The following TTC4 variants were observed in gnomAD, a reference collection of about 807,000 sequenced individuals.
TTC4 encodes hsp70/Hsp90 co-chaperone CNS1 homolog.
Under a neutral mutation model 51.9 loss-of-function variants are expected in TTC4, and 36 were observed. That is an observed-to-expected ratio of 0.69 (90% CI 0.53 to 0.92). The LOEUF (loss-of-function observed/expected upper bound fraction) is 0.92, where lower values mean the gene tolerates loss of function less well. Among genes scored for constraint, TTC4 ranks in the 40% least tolerant of loss-of-function variants. TTC4 has a pLI of 0.00. For missense variants in TTC4, 399 were observed against 454.6 expected, an observed-to-expected ratio of 0.88 and a Z score of 1.11; for synonymous variants, 144 against 164.2, an observed-to-expected ratio of 0.88 and a Z score of 0.94.
intron 6 of TTC4, among the ~76,000 whole-genome samples, chr1:54,730,225 G>A (rs1272654097): frequency 6.7e-6 from 1 of 149,334 alleles, no homozygotes; most frequent in East Asian, 2.0e-4. Flanking sequence ...GGATTTGTTC[G>A]TTTTCTTAAT....
In TTC4 at chr1:54,715,953, C is replaced by G. The variant is rs1291607294; in HGVS notation, c.45C>G (p.Asp15Glu). 3 of 1,607,318 alleles carry G rather than the reference C, an allele frequency of 1.9e-6. No individual in the cohort carries two copies. The African/African-American group carries it at 4.0e-5, about 22-fold the overall frequency. Residue 15 changes from aspartate (D) to glutamate (E), a missense_variant, in exon 1 of 10, where the codon GAC becomes GAG. By Grantham distance (45) the Asp-to-Glu change is conservative (BLOSUM62 2). Around this residue, in one of 3 missense-constraint regions of TTC4, gnomAD observed 316 missense variants for 349.6 expected, o/e 0.90. Transcript: ENST00000371281. ...ATCCCACCTCAGACGACGTCATGGACTCGTTCCTGGAAAAGTTCCAGAGCC... is the reference window on the plus strand; with the variant it reads ...ATCCCACCTCAGACGACGTCATGGAGTCGTTCCTGGAAAAGTTCCAGAGCC... ...GQDPTSDDVM[D>E]SFLEKFQSQP...
chr1:54,717,452 A>C (rs751237279), intron 2 of TTC4, 40 bp from the exon 3 acceptor site: 12 of 1,438,642 alleles, frequency 8.3e-6, no homozygotes, highest in Middle Eastern at 2.6e-4. Flanking sequence ...GAGCCTTTTA[A>C]AAAGTAAGCA....
chr1:54,731,544 G>C lies in TTC4; in HGVS notation c.740G>C (p.Gly247Ala). The stretch of plus-strand genomic sequence containing the variant: ...GAGGATGAAGATTCAGCCTCAGAAG[G>C]TCTAGGTGAGCTTTTCCTGGATGGA... ...ACEDEDSASE[G>A]LGELFLDGLS... Residue 247 changes from glycine (G) to alanine (A), a missense_variant, in exon 7 of 10, where the codon GGT becomes GCT. Gly to Ala is a moderately conservative substitution (Grantham distance 60). This residue lies in a region of TTC4 where 316 missense variants were observed against 349.6 expected (regional missense o/e 0.90). Transcript: ENST00000371281. 6.2e-7 allele frequency: 1 copy of C among 1,614,002 alleles called. No individual in the cohort carries two copies. Among genetic ancestry groups the C allele is most frequent in the Non-Finnish European group, 8.5e-7 (1 of 1,179,964 alleles).
chr1:54,737,605 GGCAGAACTATACCGGGT>G lies in TTC4; in HGVS notation c.1005_1021del (p.Glu336CysfsTer65). ...AGGTCTACTTTGAGGATGAGGACAG[GGCAGAACTATACCGGGT>G]GCCTGCCAAGAGCACCTTGCTACAG... On this transcript the variant is annotated frameshift_variant, in exon 9 of 10. Coordinates refer to ENST00000371281, the MANE Select transcript of TTC4 (RefSeq NM_004623.5). LOFTEE classifies it high-confidence loss of function. The G allele has an allele frequency of 6.2e-7, 1 of 1,613,672 alleles. No homozygotes were observed. Among genetic ancestry groups the G allele is most frequent in the Non-Finnish European group, 8.5e-7 (1 of 1,180,004 alleles).
intron 8 of TTC4, chr1:54,736,979 C>G (rs1645952330): frequency 6.5e-6 from 1 of 152,976 alleles, no homozygotes; most frequent in Non-Finnish European, 1.5e-5. Flanking sequence ...TTACTTGTCC[C>G]CATGCATGGA....
chr1:54,716,818 G>C (rs1301842609), intron 2 of TTC4, 101 bp downstream of exon 2: 4 of 920,978 alleles, frequency 4.3e-6, no homozygotes, highest in Non-Finnish European at 1.6e-6. Flanking sequence ...GTTAGCCTGA[G>C]CTAACTTGTC....
In TTC4 at chr1:54,731,504, T is replaced by C. The variant is rs371556901; in HGVS notation, c.700T>C (p.Ser234Pro). 9.2e-5 allele frequency: 149 copies of C among 1,613,834 alleles called. No homozygotes were observed. The highest frequency in any genetic ancestry group is 1.2e-4 in the Non-Finnish European group (140 of 1,179,872). Reference protein sequence around the residue: ...QAIKARNIRLSEAACEDEDSA... With the variant: ...QAIKARNIRLPEAACEDEDSA... ...AACCCAGGCTAGGAATATCAGGCTC[T>C]CAGAAGCTGCCTGTGAGGATGAAGA... Residue 234 changes from serine (S) to proline (P), a missense_variant, in exon 7 of 10, where the codon TCA becomes CCA. Around this residue, in one of 3 missense-constraint regions of TTC4, gnomAD observed 316 missense variants for 349.6 expected, o/e 0.90. Transcript: ENST00000371281.
rs2101331564 is a variant in TTC4, at chr1:54,728,422, A to G, written c.671A>G (p.Gln224Arg). The part of the protein sequence containing the change: ...KERNQNEALL[Q>R]AIKARNIRLS... Reference sequence around the variant, plus strand: ...AGGAATCAGAATGAGGCTTTACTCCAGGCCATCAAGGTGAGTTCTTAAACC... The same window carrying G: ...AGGAATCAGAATGAGGCTTTACTCCGGGCCATCAAGGTGAGTTCTTAAACC... The change falls in exon 6 of 10, where the codon CAG becomes CGG. Residue 224 changes from glutamine to arginine, a missense_variant. By Grantham distance (43) the Gln-to-Arg change is conservative. Coordinates refer to ENST00000371281, the MANE Select transcript of TTC4 (RefSeq NM_004623.5). 4 of 1,612,248 alleles carry G rather than the reference A, an allele frequency of 2.5e-6. No individual in the cohort carries two copies. The East Asian group carries it at 6.7e-5, about 27-fold the overall frequency.
rs1450089129 is a variant in TTC4 at position 54,722,715 on chromosome 1, C to T, written c.510C>T (p.Ala170=). The stretch of plus-strand genomic sequence containing the variant: ...TGGAACTGAAACACTTTGCCGAGGC[C>T]GTGAACTGGTGTGATGAGGGACTGC... The part of the protein sequence containing the change: ...CHLELKHFAE[A]VNWCDEGLQI... The change falls in exon 5 of 10, where the codon GCC becomes GCT. Residue 170 remains alanine, a synonymous_variant. Transcript: ENST00000371281. 21 of 1,613,648 alleles carry T rather than the reference C, an allele frequency of 1.3e-5. No homozygotes were observed. The highest frequency in any genetic ancestry group is 7.7e-5 in the South Asian group (7 of 91,068).
intron 3 of TTC4, among the ~76,000 whole-genome samples, chr1:54,718,457 C>T (rs926147443): frequency 2.6e-5 from 4 of 152,010 alleles, no homozygotes; most frequent in East Asian, 1.9e-4. Context: ...CCATGTTGCC[C>T]GGGCTGGTCT....
chr1:54,738,423 C>T (rs1483533407), intron 9 of TTC4, among the ~76,000 whole-genome samples: 2 of 152,172 alleles, frequency 1.3e-5, no homozygotes, highest in Admixed American at 1.3e-4. Flanking sequence ...TCTCATTCCG[C>T]TGCTGACTGA....
At chr1:54,717,177 C>A (rs1557740405) in intron 2 of TTC4, among the ~76,000 whole-genome samples, 1 of 152,142 alleles carries the variant, frequency 6.6e-6, no homozygotes, top group Non-Finnish European at 1.5e-5. Context: ...ATCCCCCTGC[C>A]CCTCACTGAT....
Position 54,741,589 on chromosome 1 carries a change from A to C in TTC4, c.*76A>C. ...TAGCACACCTGAATCAGCTGGACATACTGCTGGAGTCCAGTGCTTTCTTTC... is the reference window on the plus strand; with the variant it reads ...TAGCACACCTGAATCAGCTGGACATCCTGCTGGAGTCCAGTGCTTTCTTTC... On this transcript the variant is annotated 3_prime_UTR_variant, in exon 10 of 10. Coordinates refer to ENST00000371281, the MANE Select transcript of TTC4 (RefSeq NM_004623.5). The C allele has an allele frequency of 8.4e-7, 1 of 1,191,138 alleles. No homozygotes were observed. 73.8% of individuals were successfully genotyped at this position (1,191,138 alleles called of 1,614,324 possible). A position where few individuals can be genotyped will look rare whatever the true frequency, so the allele number is the denominator to read the frequency against.
chr1:54,736,125 T>C (rs1279807186), intron 8 of TTC4, among the ~76,000 whole-genome samples: 1 of 148,114 alleles, frequency 6.8e-6, no homozygotes, highest in Non-Finnish European at 1.5e-5. Context: ...ACTGCCTCAA[T>C]GCCTTCTCAG....
intron 3 of TTC4, among the ~76,000 whole-genome samples, chr1:54,718,508 A>G (rs918168116): frequency 6.6e-6 from 1 of 152,046 alleles, no homozygotes; most frequent in African/African-American, 2.4e-5. Flanking sequence ...CAGCCTCCCA[A>G]AGTATTGGAA....
At chr1:54,738,209 C>T (rs949839478) in intron 9 of TTC4, among the ~76,000 whole-genome samples, 8 of 152,158 alleles carry the variant, frequency 5.3e-5, no homozygotes, top group African/African-American at 1.9e-4. Flanking sequence ...TCAAAAACTC[C>T]CATTTTTCAA....
At chr1:54,722,450 A>C (rs530587324) in intron 4 of TTC4, among the ~76,000 whole-genome samples, 1 of 152,188 alleles carries the variant, frequency 6.6e-6, no homozygotes, top group African/African-American at 2.4e-5. Context: ...CCTTAATACC[A>C]GGGAGACTTA....
At chr1:54,729,558 A>G (rs1320933654) in intron 6 of TTC4, among the ~76,000 whole-genome samples, 1 of 152,064 alleles carries the variant, frequency 6.6e-6, no homozygotes, top group Non-Finnish European at 1.5e-5. Context: ...TGTTCCTATA[A>G]CAACAACAAC....
In TTC4 at chr1:54,737,040, T is replaced by C. The variant is rs72911717; in HGVS notation, c.979-542T>C. On this transcript the variant is annotated intron_variant, in intron 8 of 9. Transcript: ENST00000371281. Reference sequence around the variant, plus strand: ...TGACACCCCACCTTGGACAGCCATCTTACAAGGGAGCACTTCTTCCCCTGC... The same window carrying C: ...TGACACCCCACCTTGGACAGCCATCCTACAAGGGAGCACTTCTTCCCCTGC... 3.8e-3 allele frequency: 585 copies of C among 153,982 alleles called. 2 individuals carry two copies. Among genetic ancestry groups the C allele is most frequent in the African/African-American group, 0.013 (559 of 41,594 alleles). 9.5% of individuals were successfully genotyped at this position (153,982 alleles called of 1,614,324 possible).
Sources: allele counts gnomAD v4.1 joint callset (sites outside exome capture counted in the v4.1 genomes callset), GRCh38; gene constraint gnomAD v4.1.1; regional missense constraint gnomAD v4.1.1; transcripts MANE v1.5; gene names NCBI Gene and HGNC (gene_info 2026-07-23, HGNC 2026-07-21).